Variants in ZNF131 observed in about 807,000 individuals in gnomAD.
ZNF131 encodes the protein zinc finger protein 131.
A neutral mutation model predicts 60.0 loss-of-function variants in ZNF131; 7 were observed. The observed-to-expected ratio is 0.12, with a 90% CI of 0.07 to 0.22. The LOEUF (loss-of-function observed/expected upper bound fraction) is 0.22. Among genes scored for constraint, ZNF131 ranks in the 10% least tolerant of loss-of-function variants. The probability of loss-of-function intolerance (pLI) is 1.00; values close to 1 mark genes in which losing one functional copy is unlikely to be tolerated. For synonymous variants in ZNF131, 257 were observed against 253.2 expected (o/e 1.01, Z -0.14); for missense variants, 493 against 740.9 (o/e 0.67, Z 3.88).
chr5:43,163,666 A>G (rs930194285), intron 5 of ZNF131, among the ~76,000 whole-genome samples: 2 of 152,224 alleles, frequency 1.3e-5, no homozygotes, highest in African/African-American at 4.8e-5. Flanking sequence ...CTACTATTAC[A>G]AGGGTATGGA....
intron 5 of ZNF131, among the ~76,000 whole-genome samples, chr5:43,172,217 C>T (rs960092365): frequency 2.0e-5 from 3 of 152,204 alleles, no homozygotes; most frequent in Non-Finnish European, 2.9e-5. Context: ...TTCACTAGCC[C>T]ATCTACCTGC....
At chr5:43,136,126 C>T (rs1289265646) in intron 3 of ZNF131, among the ~76,000 whole-genome samples, 5 of 152,284 alleles carry the variant, frequency 3.3e-5, no homozygotes, top group African/African-American at 1.2e-4. Context: ...AAAAAATGAA[C>T]TGCTATAAAA....
intron 5 of ZNF131, among the ~76,000 whole-genome samples, chr5:43,164,042 G>GT (rs1212189321): frequency 4.6e-5 from 7 of 152,184 alleles, no homozygotes; most frequent in African/African-American, 1.7e-4. Context: ...AGTCTTTAAG[G>GT]TACTTAGTTT....
At chr5:43,145,039 C>CT (rs1747404050) in intron 4 of ZNF131, among the ~76,000 whole-genome samples, 1 of 151,920 alleles carries the variant, frequency 6.6e-6, no homozygotes. Context: ...CCACATTTTT[C>CT]TAATAGTCTC....
rs75081909 is a variant in ZNF131 at position 43,159,928 on chromosome 5, A to G, written c.372-1321A>G. Among the ~76,000 whole-genome samples, 1,557 of 152,168 alleles carry G rather than the reference A, an allele frequency of 0.01. 107 individuals are homozygous for G. The East Asian group carries it at 0.19, about 18-fold the overall frequency. On this transcript the variant is annotated intron_variant, in intron 4 of 6. Coordinates refer to ENST00000682664, the MANE Select transcript of ZNF131 (RefSeq NM_001330707.2). ...GGTGGCCCACGCCTGTAATCCCAGC[A>G]CTTTGGGGGAGGCCAAGGCGGGCAG...
At chr5:43,171,554 G>A (rs185493362) in intron 5 of ZNF131, among the ~76,000 whole-genome samples, 43 of 152,084 alleles carry the variant, frequency 2.8e-4, no homozygotes, top group Admixed American at 7.2e-4. Flanking sequence ...GCGAAACTCC[G>A]TCTGAAAAAA....
rs1329182815 is a variant in ZNF131 at position 43,175,720 on chromosome 5, A to T, written c.*587A>T. 1.2e-4 allele frequency: 12 copies of T among 103,000 alleles called. No homozygotes were observed. The highest frequency in any genetic ancestry group is 2.4e-4 in the Admixed American group (1 of 4,136). The allele number at this position is 103,000 out of a possible 1,614,324, so 6.4% of individuals were successfully genotyped here. Reference sequence around the variant, plus strand: ...GTGGTGGCAAAATTTCTAGAATGTTAAAAAAAAAAAAAAATCCACACCCAT... The same window carrying T: ...GTGGTGGCAAAATTTCTAGAATGTTTAAAAAAAAAAAAAATCCACACCCAT... On this transcript the variant is annotated 3_prime_UTR_variant, in exon 7 of 7. Coordinates refer to ENST00000682664, the MANE Select transcript of ZNF131 (RefSeq NM_001330707.2).
intron 3 of ZNF131, among the ~76,000 whole-genome samples, chr5:43,136,934 C>T (rs539850384): frequency 6.6e-6 from 1 of 152,224 alleles, no homozygotes; most frequent in African/African-American, 2.4e-5. Flanking sequence ...AACTGATCTT[C>T]AGGGATGCCA....
intron 3 of ZNF131, among the ~76,000 whole-genome samples, chr5:43,134,253 T>C (rs969941601): frequency 8.5e-5 from 13 of 152,148 alleles, no homozygotes; most frequent in Non-Finnish European, 2.9e-5. Context: ...TATACCATAC[T>C]AACAATAAAG....
intron 1 of ZNF131, 28 bp from the exon 2 acceptor site, chr5:43,122,009 GGT>G: frequency 6.2e-7 from 1 of 1,608,422 alleles, no homozygotes; most frequent in Non-Finnish European, 8.5e-7. Context: ...CGAGCTCATG[GGT>G]GTACATTATC....
intron 3 of ZNF131, chr5:43,124,790 G>A (rs1362364945): frequency 1.3e-5 from 2 of 152,218 alleles, no homozygotes; most frequent in Non-Finnish European, 2.9e-5. Context: ...TGCATGGCAT[G>A]ATATTTGGTG....
chr5:43,131,917 A>C (rs1745411560), intron 3 of ZNF131, among the ~76,000 whole-genome samples: 1 of 152,178 alleles, frequency 6.6e-6, no homozygotes, highest in Non-Finnish European at 1.5e-5. Flanking sequence ...GAAAAGTTTG[A>C]AGTTTTTATC....
At chr5:43,168,176 C>T (rs1170991985) in intron 5 of ZNF131, 1 of 232,746 alleles carries the variant, frequency 4.3e-6, no homozygotes, top group African/African-American at 2.3e-5. Context: ...CCTATCACCT[C>T]TTAAAGGTCC....
intron 4 of ZNF131, among the ~76,000 whole-genome samples, chr5:43,148,537 G>A (rs886710500): frequency 6.6e-6 from 1 of 152,182 alleles, no homozygotes; most frequent in African/African-American, 2.4e-5. Context: ...AGACTTAAAT[G>A]CCATATAGTC....
chr5:43,121,490 C>A, intron 1 of ZNF131: 1 of 152,610 alleles, frequency 6.6e-6, no homozygotes, highest in Non-Finnish European at 1.5e-5. Context: ...AAGGCGTCCG[C>A]GTCAGCCGGA....
chr5:43,138,352 G>A (rs1343701512), intron 3 of ZNF131, among the ~76,000 whole-genome samples: 2 of 152,156 alleles, frequency 1.3e-5, no homozygotes, highest in South Asian at 2.1e-4. Flanking sequence ...AACTAGGAGG[G>A]TGTTAATAAA....
chr5:43,162,560 C>G (rs1372087276), intron 5 of ZNF131, among the ~76,000 whole-genome samples: 1 of 143,816 alleles, frequency 7.0e-6, no homozygotes, highest in African/African-American at 2.6e-5. Context: ...CCACTGCACT[C>G]CAGCCTGGTC....
intron 3 of ZNF131, among the ~76,000 whole-genome samples, chr5:43,131,822 T>C (rs1461190394): frequency 7.0e-6 from 1 of 142,616 alleles, no homozygotes; most frequent in Admixed American, 7.0e-5. Flanking sequence ...AAAAAAAAAA[T>C]GGGGGGACTT....
chr5:43,149,364 G>A (rs539981338), intron 4 of ZNF131, among the ~76,000 whole-genome samples: 33 of 152,248 alleles, frequency 2.2e-4, no homozygotes, highest in South Asian at 2.1e-4. Context: ...GTATATTAGT[G>A]TGTGTATAAG....
Sources: allele counts gnomAD v4.1 joint callset (sites outside exome capture counted in the v4.1 genomes callset), GRCh38; gene constraint gnomAD v4.1.1; transcripts MANE v1.5; gene names NCBI Gene and HGNC (gene_info 2026-07-23, HGNC 2026-07-21).